Variants in FAAH2 observed in about 807,000 individuals in gnomAD.
FAAH2 encodes the protein fatty-acid amide hydrolase 2.
Under a neutral mutation model 36.9 loss-of-function variants are expected in FAAH2, and 60 were observed. The ratio of observed to expected loss-of-function variants is 1.63; its 90% confidence interval spans 1.32 to 2.02. The LOEUF is 2.02. Ranked by LOEUF, FAAH2 falls within the 30% of genes most tolerant of loss-of-function variation. The pLI is 0.00. For missense variants in FAAH2, 689 were observed against 397.5 expected, an observed-to-expected ratio of 1.73 and a Z score of -6.23; for synonymous variants, 214 against 143.8, an observed-to-expected ratio of 1.49 and a Z score of -3.49.
chrX:57,448,437 G>A (rs1393642472), intron 9 of FAAH2, 87 bp from the exon 10 acceptor site: 14 of 843,256 alleles, frequency 1.7e-5, no homozygotes, highest in Non-Finnish European at 2.1e-5. Context: ...TAATGAACAT[G>A]TATTACTTGA....
chrX:57,174,943 T>C, the FAAH2 span, among the ~76,000 whole-genome samples: 1 of 112,163 alleles, frequency 8.9e-6, no homozygotes. Flanking sequence ...TTTGAGAAGA[T>C]GCTCGGTATG....
At chrX:57,466,138 C>A (rs1466386260) in intron 10 of FAAH2, among the ~76,000 whole-genome samples, 1 of 78,630 alleles carries the variant, frequency 1.3e-5, no homozygotes, top group Non-Finnish European at 2.3e-5. Flanking sequence ...ATCTCTCTCT[C>A]TCTCTCTCTC....
At chrX:57,441,271 A>G (rs779493357) in intron 8 of FAAH2, among the ~76,000 whole-genome samples, 2 of 111,264 alleles carry the variant, frequency 1.8e-5, no homozygotes, top group Non-Finnish European at 1.9e-5. Context: ...TATTGCATCA[A>G]TTTCAGAACC....
intron 5 of FAAH2, among the ~76,000 whole-genome samples, chrX:57,373,535 A>C (rs1368047509): frequency 9.0e-6 from 1 of 110,697 alleles, no homozygotes; most frequent in Non-Finnish European, 1.9e-5. Flanking sequence ...GCTTTTGAGA[A>C]TTGTCTATTC....
At chrX:57,243,288 C>G in the FAAH2 span, among the ~76,000 whole-genome samples, 1 of 111,941 alleles carries the variant, frequency 8.9e-6, no homozygotes. Flanking sequence ...TTCCCTGGGA[C>G]AGAGAACCTG....
chrX:57,264,936 G>T, the FAAH2 span, among the ~76,000 whole-genome samples: 1 of 111,848 alleles, frequency 8.9e-6, no homozygotes, highest in Non-Finnish European at 1.9e-5. Context: ...TCAGGTACTC[G>T]CATTGGGACT....
chrX:57,158,708 A>C, the FAAH2 span, among the ~76,000 whole-genome samples: 1 of 111,318 alleles, frequency 9.0e-6, no homozygotes, highest in South Asian at 3.8e-4. Context: ...TTTTTCTTGT[A>C]AATTTGTTTG....
At chrX:57,194,195 T>C in the FAAH2 span, among the ~76,000 whole-genome samples, 1 of 111,681 alleles carries the variant, frequency 9.0e-6, no homozygotes, top group African/African-American at 3.2e-5. Context: ...AAGGCTTTGA[T>C]CTCATTACTT....
the FAAH2 span, among the ~76,000 whole-genome samples, chrX:57,166,506 A>G: frequency 8.9e-6 from 1 of 112,046 alleles, no homozygotes; most frequent in Non-Finnish European, 1.9e-5. Context: ...AGGGCACCAA[A>G]GAAGTAAGAC....
the FAAH2 span, chrX:57,135,965 A>G: frequency 8.3e-7 from 1 of 1,209,426 alleles, no homozygotes; most frequent in Non-Finnish European, 1.1e-6. Flanking sequence ...CCACATGCTT[A>G]CCTATTAGGC....
chrX:57,291,171 T>C (rs2051967611), intron 1 of FAAH2, among the ~76,000 whole-genome samples: 1 of 111,908 alleles, frequency 8.9e-6, no homozygotes, highest in South Asian at 3.7e-4. Context: ...ATCCTCACTT[T>C]TTACTCCTTG....
At chrX:57,430,505 ACT>A (rs2052747488) in intron 7 of FAAH2, among the ~76,000 whole-genome samples, 1 of 111,090 alleles carries the variant, frequency 9.0e-6, no homozygotes, top group Admixed American at 9.6e-5. Context: ...AAGGGCCATG[ACT>A]CTGTTTTATG....
chrX:57,192,404 A>C, the FAAH2 span, among the ~76,000 whole-genome samples: 2 of 111,777 alleles, frequency 1.8e-5, no homozygotes, highest in Admixed American at 1.9e-4. Context: ...AACAAGAATA[A>C]TTTGACTTTG....
intron 2 of FAAH2, among the ~76,000 whole-genome samples, chrX:57,306,021 T>C (rs1372248422): frequency 8.9e-6 from 1 of 112,095 alleles, no homozygotes; most frequent in Non-Finnish European, 1.9e-5. Flanking sequence ...GTCTTAGGCA[T>C]GTGGATGCTT....
At chrX:57,399,512 T>A (rs2055382626) in intron 7 of FAAH2, among the ~76,000 whole-genome samples, 1 of 111,830 alleles carries the variant, frequency 8.9e-6, no homozygotes, top group Non-Finnish European at 1.9e-5. Context: ...CTGGAGGGGA[T>A]TACCCCATAC....
chrX:57,245,031 G>A, the FAAH2 span, among the ~76,000 whole-genome samples: 3 of 110,573 alleles, frequency 2.7e-5, no homozygotes, highest in Non-Finnish European at 3.8e-5. Context: ...AAGGATGGAG[G>A]AATATTTACC....
rs902755626 is a variant in FAAH2 at position 57,420,235 on chromosome X, G to A, written c.997-11683G>A. 5.5e-5 allele frequency among the ~76,000 whole-genome samples: 6 copies of A among 109,904 alleles called. 1 individual carries two copies. In the South Asian group the frequency reaches 2.3e-3, roughly 42 times the overall value. ...TTGGTTCCATATGAACTTTAAAGTA[G>A]TTTTTTTCCAATTCTGTGAAGACAG... On this transcript the variant is annotated intron_variant, in intron 7 of 10. Coordinates refer to ENST00000374900, the MANE Select transcript of FAAH2 (RefSeq NM_174912.4).
In FAAH2 at chrX:57,338,127, C is replaced by A. The variant is rs190280564; in HGVS notation, c.623-3144C>A. ...TGTGTGAGCAATAAAAGCTTTTAAT[C>A]ACCTGGGTGCAGGCGGGCTGAGTCT... is the stretch of plus-strand genomic sequence containing the variant. On this transcript the variant is annotated intron_variant, in intron 4 of 10. Transcript: ENST00000374900. Among the ~76,000 whole-genome samples the A allele has an allele frequency of 3.5e-3, 395 of 111,712 alleles. 2 individuals are homozygous for A. The highest frequency in any genetic ancestry group is 0.012 in the South Asian group (31 of 2,656).
At chrX:57,231,992 T>C in the FAAH2 span, among the ~76,000 whole-genome samples, 7 of 111,526 alleles carry the variant, frequency 6.3e-5, no homozygotes, top group Admixed American at 5.7e-4. Flanking sequence ...TAAATTTCCA[T>C]ATGCATGATA....
Sources: allele counts gnomAD v4.1 joint callset (sites outside exome capture counted in the v4.1 genomes callset), GRCh38; gene constraint gnomAD v4.1.1; transcripts MANE v1.5; gene names NCBI Gene and HGNC (gene_info 2026-07-23, HGNC 2026-07-21).